The following MPPED2 variants were observed in gnomAD, a reference collection of about 807,000 sequenced individuals.
MPPED2 encodes metallophosphoesterase MPPED2.
A neutral mutation model predicts 33.0 loss-of-function variants in MPPED2; 5 were observed. The ratio of observed to expected loss-of-function variants is 0.15; its 90% CI spans 0.08 to 0.32. MPPED2 has a LOEUF of 0.32. Among genes scored for constraint, MPPED2 ranks in the 10% least tolerant of loss-of-function variants. The pLI, the probability that MPPED2 is intolerant of heterozygous loss-of-function variation, is 1.00. For missense variants in MPPED2, 275 were observed against 372.1 expected (o/e 0.74, Z 2.15); for synonymous variants, 136 against 141.9 (o/e 0.96, Z 0.29).
intron 4 of MPPED2, among the ~76,000 whole-genome samples, chr11:30,480,797 A>G (rs1437061125): frequency 2.0e-5 from 3 of 152,154 alleles, no homozygotes; most frequent in African/African-American, 7.2e-5. Flanking sequence ...CTTTCCAGTG[A>G]CGCTATCCTT....
intron 2 of MPPED2, among the ~76,000 whole-genome samples, chr11:30,542,439 C>A (rs985492056): frequency 1.6e-5 from 2 of 126,566 alleles, no homozygotes; most frequent in Non-Finnish European, 3.1e-5. Context: ...CATGGCGAGA[C>A]CCCATCTCAA....
chr11:30,397,823 TATG>T (rs1947857300), intron 6 of MPPED2, among the ~76,000 whole-genome samples: 1 of 152,156 alleles, frequency 6.6e-6, no homozygotes, highest in African/African-American at 2.4e-5. Flanking sequence ...ATGTTAAAAA[TATG>T]ATACTAAAAA....
At chr11:30,405,557 C>T (rs751837201), downstream of MPPED2, among the ~76,000 whole-genome samples, 1 of 152,102 alleles carries the variant, frequency 6.6e-6, no homozygotes, top group Non-Finnish European at 1.5e-5. Flanking sequence ...TGTAAGGCAA[C>T]CCTAATTCAG....
At chr11:30,434,848 C>T (rs1949254104) in intron 4 of MPPED2, among the ~76,000 whole-genome samples, 2 of 140,428 alleles carry the variant, frequency 1.4e-5, no homozygotes, top group African/African-American at 2.4e-5. Context: ...ATATAAAGTG[C>T]TAATTTTTTT....
intron 4 of MPPED2, among the ~76,000 whole-genome samples, chr11:30,460,914 G>A (rs188726385): frequency 2.2e-4 from 33 of 152,260 alleles, no homozygotes; most frequent in African/African-American, 7.9e-4. Flanking sequence ...ATCTGAACAG[G>A]TATTTGTACA....
chr11:30,540,014 G>C (rs1955013408), intron 2 of MPPED2, among the ~76,000 whole-genome samples: 1 of 152,134 alleles, frequency 6.6e-6, no homozygotes, highest in Non-Finnish European at 1.5e-5. Flanking sequence ...AGCTTTACTT[G>C]TTAGAAAGTT....
At position 30,436,984 on chromosome 11, in the gene MPPED2, C is replaced by T. The variant is rs757821469; in HGVS notation, c.537-19351G>A. 1.6e-4 allele frequency among the ~76,000 whole-genome samples: 24 copies of T among 152,194 alleles called. 1 individual carries two copies. Among genetic ancestry groups the T allele is most frequent in the Non-Finnish European group, 2.6e-4 (18 of 68,050 alleles). On this transcript the variant is annotated intron_variant, in intron 4 of 6. Transcript: ENST00000358117. ...GGTTGGTGAATGCCGTGATGGCTGT[C>T]ACCTCCCTGAAACTGCCTGGGCTGG...
intron 3 of MPPED2, among the ~76,000 whole-genome samples, chr11:30,502,204 C>T (rs1432513046): frequency 6.6e-6 from 1 of 151,388 alleles, no homozygotes. Flanking sequence ...AGCTCTTTGG[C>T]TCCCAGACCA....
intron 3 of MPPED2, among the ~76,000 whole-genome samples, chr11:30,530,560 G>C (rs961061980): frequency 6.6e-6 from 1 of 152,226 alleles, no homozygotes; most frequent in African/African-American, 2.4e-5. Flanking sequence ...AGTTCTCCTA[G>C]AGACGGTCAT....
intron 3 of MPPED2, among the ~76,000 whole-genome samples, chr11:30,518,995 T>C (rs1282665134): frequency 6.6e-6 from 1 of 152,132 alleles, no homozygotes; most frequent in East Asian, 1.9e-4. Flanking sequence ...AAAATCACAT[T>C]CAGGGCCAGG....
At chr11:30,561,678 G>T (rs559142911) in intron 2 of MPPED2, among the ~76,000 whole-genome samples, 1 of 152,240 alleles carries the variant, frequency 6.6e-6, no homozygotes, top group Non-Finnish European at 1.5e-5. Flanking sequence ...CCAACATAAA[G>T]AAGTTTAATG....
chr11:30,456,771 C>G (rs1447569356), intron 4 of MPPED2, among the ~76,000 whole-genome samples: 1 of 152,130 alleles, frequency 6.6e-6, no homozygotes. Flanking sequence ...CTTTCCAGTG[C>G]CTTAAACAGT....
intron 3 of MPPED2, among the ~76,000 whole-genome samples, chr11:30,498,733 T>C (rs951432893): frequency 2.6e-5 from 4 of 152,190 alleles, no homozygotes; most frequent in African/African-American, 7.2e-5. Context: ...AAATACAATA[T>C]AAAAGTATAA....
chr11:30,417,090 C>G (rs1948400238), intron 5 of MPPED2, among the ~76,000 whole-genome samples: 1 of 152,150 alleles, frequency 6.6e-6, no homozygotes, highest in African/African-American at 2.4e-5. Flanking sequence ...CTTCCAGGTT[C>G]CAGCATTATA....
In MPPED2 at chr11:30,443,186, T is replaced by A. The variant is rs12286602; in HGVS notation, c.537-25553A>T. Among the ~76,000 whole-genome samples the A allele has an allele frequency of 8.2e-3, 1,244 of 152,208 alleles. 14 individuals are homozygous for A. The highest frequency in any genetic ancestry group is 0.028 in the African/African-American group (1,183 of 41,516). On this transcript the variant is annotated intron_variant, in intron 4 of 6. Transcript: ENST00000358117. Reference sequence around the variant, plus strand: ...AGTGGGAAATGCTACTTTAAAAAAATAATAAATAAATAAAGCATTTATGAT... The same window carrying A: ...AGTGGGAAATGCTACTTTAAAAAAAAAATAAATAAATAAAGCATTTATGAT...
At chr11:30,387,092 C>T in exon 7 of MPPED2, 2 of 250,006 alleles carry the variant, frequency 8.0e-6, no homozygotes, top group Non-Finnish European at 1.5e-5. Context: ...ATTTCAAAGC[C>T]ACTATTATCT....
At chr11:30,440,720 A>G (rs961138840) in intron 4 of MPPED2, among the ~76,000 whole-genome samples, 2 of 152,154 alleles carry the variant, frequency 1.3e-5, no homozygotes, top group African/African-American at 4.8e-5. Context: ...TGACACGTTC[A>G]TTTCACTCAA....
Position 30,465,842 on chromosome 11 carries a change from C to A in MPPED2, c.536+29454G>T, listed in dbSNP as rs142910597. 3.6e-3 allele frequency among the ~76,000 whole-genome samples: 550 copies of A among 152,164 alleles called. 2 individuals carry two copies. Among genetic ancestry groups the A allele is most frequent in the African/African-American group, 0.013 (536 of 41,520 alleles). On this transcript the variant is annotated intron_variant, in intron 4 of 6. Transcript: ENST00000358117. ...GAAACTCATGTATATGGAGGGCAGACTTTTTGTATATATGTGCTGATTTGA... is the reference window on the plus strand; with the variant it reads ...GAAACTCATGTATATGGAGGGCAGAATTTTTGTATATATGTGCTGATTTGA...
At chr11:30,572,202 A>T (rs529006655) in intron 2 of MPPED2, among the ~76,000 whole-genome samples, 4 of 152,300 alleles carry the variant, frequency 2.6e-5, no homozygotes, top group African/African-American at 9.6e-5. Flanking sequence ...TAGCCAACAA[A>T]CAAATAAACA....
Sources: gnomAD v4.1 joint callset for allele counts (sites outside exome capture counted in the v4.1 genomes callset) on GRCh38, gnomAD v4.1.1 for gene constraint, MANE v1.5 for transcripts, NCBI Gene and HGNC (gene_info 2026-07-23, HGNC 2026-07-21) for gene names.